WDR77: variants seen among roughly 807,000 people sequenced by gnomAD.
The protein encoded by WDR77 is methylosome protein WDR77.
A neutral mutation model predicts 44.0 loss-of-function variants in WDR77; 31 were observed. The observed-to-expected ratio is 0.70, with a 90% CI of 0.53 to 0.95. WDR77 has a LOEUF of 0.95. Among genes scored for constraint, WDR77 ranks in the 40% least tolerant of loss-of-function variants. WDR77 has a pLI of 0.00. For missense variants in WDR77, 390 were observed against 423.9 expected, an observed-to-expected ratio of 0.92 and a Z score of 0.70; for synonymous variants, 186 against 165.7, an observed-to-expected ratio of 1.12 and a Z score of -0.94.
At position 111,440,691 on chromosome 1, in the gene WDR77, C is replaced by T. The variant is rs1458844205; in HGVS notation, c.*539G>A. On this transcript the variant is annotated 3_prime_UTR_variant, in exon 10 of 10. Transcript: ENST00000235090. ...TGGTAAGGAGTTGTGTAAAACCGTA[C>T]CAAGTCCTGCTTCTTCCTCAGAGTG... 1 of 152,270 alleles carries T rather than the reference C, an allele frequency of 6.6e-6. No homozygotes were observed. Among genetic ancestry groups the T allele is most frequent in the Admixed American group, 6.5e-5 (1 of 15,294 alleles). The allele number at this position is 152,270 out of a possible 1,614,324, so 9.4% of individuals were successfully genotyped here. A position where few individuals can be genotyped will look rare whatever the true frequency, so the allele number is the denominator to read the frequency against.
In WDR77 at chr1:111,442,746, G is replaced by A. The variant is rs192806724; in HGVS notation, c.707C>T (p.Thr236Ile). 5.2e-5 allele frequency: 83 copies of A among 1,588,418 alleles called. No homozygotes were observed. The East Asian group carries it at 1.8e-3, about 34-fold the overall frequency. ...ACTCTTGGTGTCCACAAGGGAGACT[G>A]TCCCATTCTCATCACCTGTAGAAGA... ...EVFVFGDENG[T>I]VSLVDTKSTS... Residue 236 changes from threonine to isoleucine, a missense_variant, in exon 8 of 10, where the codon ACA (threonine) becomes ATA (isoleucine). By Grantham distance (89) the Thr-to-Ile change is moderately conservative. Coordinates refer to ENST00000235090, the MANE Select transcript of WDR77 (RefSeq NM_024102.4).
At chr1:111,442,507 A>G in intron 8 of WDR77, 146 bp downstream of exon 8, 1 of 542,758 alleles carries the variant, frequency 1.8e-6, no homozygotes, top group Non-Finnish European at 3.1e-6. Context: ...CTTCACACTT[A>G]AGAGATCTTC....
intron 4 of WDR77, among the ~76,000 whole-genome samples, chr1:111,444,768 C>G (rs1310041003): frequency 6.6e-6 from 1 of 152,226 alleles, no homozygotes; most frequent in Non-Finnish European, 1.5e-5. Context: ...GATCTTGTTT[C>G]AGTCACACCA....
intron 6 of WDR77, 127 bp downstream of exon 6, chr1:111,443,740 G>T: frequency 6.6e-7 from 1 of 1,521,222 alleles, no homozygotes; most frequent in South Asian, 1.3e-5. Context: ...AAAAGAAGGA[G>T]ATTATGTCAC....
Position 111,447,344 on chromosome 1 carries a change from T to C in WDR77, c.443+91A>G, listed in dbSNP as rs193167621. ...AAAATAAGTCACTGGATTCTTAGAA[T>C]AAGCCCAAAATGTTACCTAATGAGG... On this transcript the variant is annotated intron_variant, in intron 3 of 9. Coordinates refer to ENST00000235090, the MANE Select transcript of WDR77 (RefSeq NM_024102.4). The C allele has an allele frequency of 8.3e-4, 1,302 of 1,569,188 alleles. 17 individuals carry two copies. In the African/African-American group the frequency reaches 0.016, roughly 19 times the overall value.
In WDR77 at chr1:111,441,144, A is replaced by G; in HGVS notation, c.*86T>C. 7.6e-7 allele frequency: 1 copy of G among 1,313,860 alleles called. No homozygotes were observed. Among genetic ancestry groups the G allele is most frequent in the Non-Finnish European group, 1.0e-6 (1 of 1,002,788 alleles). The allele number at this position is 1,313,860 out of a possible 1,614,324, so 81.4% of individuals were successfully genotyped here. ...ATCTAGCATATCAACATACTATAGA[A>G]GGCTCCTGTGTTGTCTCACAAGCTG... On this transcript the variant is annotated 3_prime_UTR_variant, in exon 10 of 10. Coordinates refer to ENST00000235090, the MANE Select transcript of WDR77 (RefSeq NM_024102.4).
Position 111,443,341 on chromosome 1 carries a change from T to C in WDR77, c.673A>G (p.Ser225Gly). ...PTSLAWHPQQSEVFVFGDENG... is the reference protein window; with the variant it reads ...PTSLAWHPQQGEVFVFGDENG... ...GCCTTACCAAAGACAAAGACTTCAC[T>C]TTGCTGAGGATGCCAAGCCAGCGAG... is the stretch of plus-strand genomic sequence containing the variant. Residue 225 changes from serine to glycine, a missense_variant, in exon 7 of 10, where the codon AGT becomes GGT. Ser to Gly is a moderately conservative substitution (Grantham distance 56). Coordinates refer to ENST00000235090, the MANE Select transcript of WDR77 (RefSeq NM_024102.4). The C allele has an allele frequency of 6.4e-7, 1 of 1,551,860 alleles. No individual in the cohort carries two copies. The highest frequency in any genetic ancestry group is 1.2e-5 in the South Asian group (1 of 84,052).
In WDR77 at chr1:111,447,446, G is replaced by GA; in HGVS notation, c.431_432insT (p.Lys145GlnfsTer47). 6.2e-7 allele frequency: 1 copy of GA among 1,614,150 alleles called. No individual in the cohort carries two copies. Among genetic ancestry groups the GA allele is most frequent in the East Asian group, 2.2e-5 (1 of 44,878 alleles). ...GAACAGGGACCCACCAGATGTCTTT[G>GA]CTACCACTGACAGCTTGTGTGCCAG... On this transcript the variant is annotated frameshift_variant, in exon 3 of 10. Transcript: ENST00000235090. LOFTEE classifies it high-confidence loss of function.
rs962580631 is a variant in WDR77 at position 111,449,040 on chromosome 1, G to A, written c.115+15C>T. The stretch of plus-strand genomic sequence containing the variant: ...CCGGGGTAAGGGAGCTCCCAGGCCC[G>A]GGATCTCGGCTCACCGGACCGGTAC... On this transcript the variant is annotated intron_variant, in intron 1 of 9. Coordinates refer to ENST00000235090, the MANE Select transcript of WDR77 (RefSeq NM_024102.4). The A allele has an allele frequency of 1.3e-5, 21 of 1,570,722 alleles. No homozygotes were observed. Among genetic ancestry groups the A allele is most frequent in the Non-Finnish European group, 1.8e-5 (21 of 1,159,704 alleles).
chr1:111,441,281 A>C lies in WDR77; in HGVS notation c.978T>G (p.Val326=). Residue 326 remains valine (V), a synonymous_variant, in exon 10 of 10, where the codon GTT becomes GTG. Coordinates refer to ENST00000235090, the MANE Select transcript of WDR77 (RefSeq NM_024102.4). ...VGWDHQVVHH[V]VPTEPLPAPG... ...GGGCTGGGAGAGGTTCTGTGGGCAC[A>C]ACGTGGTGGACGACCTGATGGTCCC... is the stretch of plus-strand genomic sequence containing the variant. The C allele has an allele frequency of 6.3e-7, 1 of 1,588,406 alleles. No individual in the cohort carries two copies. Among genetic ancestry groups the C allele is most frequent in the Non-Finnish European group, 8.6e-7 (1 of 1,166,006 alleles).
chr1:111,448,741 A>G lies in WDR77; in HGVS notation c.179T>C (p.Leu60Pro). The change falls in exon 2 of 10, where the codon CTT becomes CCT. Residue 60 changes from leucine to proline, a missense_variant. Transcript: ENST00000235090. ...GGGGGCGGCACAGGGGTCCTTAAAA[A>G]GCCAGAGGGAGCCGGCCCAGCAGCG... Reference protein sequence around the residue: ...SGRCWAGSLWLFKDPCAAPNE... With the variant: ...SGRCWAGSLWPFKDPCAAPNE... 1 of 1,612,246 alleles carries G rather than the reference A, an allele frequency of 6.2e-7. No individual in the cohort carries two copies. Among genetic ancestry groups the G allele is most frequent in the East Asian group, 2.2e-5 (1 of 44,764 alleles).
chr1:111,442,736 A>G lies in WDR77; in HGVS notation c.717T>C (p.Leu239=). 6.3e-7 allele frequency: 1 copy of G among 1,598,068 alleles called. No individual in the cohort carries two copies. Among genetic ancestry groups the G allele is most frequent in the Non-Finnish European group, 8.6e-7 (1 of 1,168,866 alleles). Reference sequence around the variant, plus strand: ...CACAGCTTGTACTCTTGGTGTCCACAAGGGAGACTGTCCCATTCTCATCAC... The same window carrying G: ...CACAGCTTGTACTCTTGGTGTCCACGAGGGAGACTGTCCCATTCTCATCAC... ...VFGDENGTVS[L]VDTKSTSCVL... is the part of the protein sequence containing the mutation. The change falls in exon 8 of 10, where the codon CTT becomes CTC. Residue 239 remains leucine, a synonymous_variant. Coordinates refer to ENST00000235090, the MANE Select transcript of WDR77 (RefSeq NM_024102.4).
In WDR77 at chr1:111,440,141, T is replaced by C. The variant is rs1652746486; in HGVS notation, c.*1089A>G. ...CCCAAGAATAAATATTTACCTTAAG[T>C]TCTAACTAGCTACTTTGGGAAGCTG... On this transcript the variant is annotated 3_prime_UTR_variant, in exon 10 of 10. Coordinates refer to ENST00000235090, the MANE Select transcript of WDR77 (RefSeq NM_024102.4). 1 of 152,310 alleles carries C rather than the reference T, an allele frequency of 6.6e-6. No homozygotes were observed. The highest frequency in any genetic ancestry group is 1.5e-5 in the Non-Finnish European group (1 of 68,036). 9.4% of individuals were successfully genotyped at this position (152,310 alleles called of 1,614,324 possible). A position where few individuals can be genotyped will look rare whatever the true frequency, so the allele number is the denominator to read the frequency against.
intron 4 of WDR77, 177 bp downstream of exon 4, chr1:111,446,918 A>G: frequency 1.5e-6 from 1 of 654,072 alleles, no homozygotes; most frequent in Non-Finnish European, 2.7e-6. Context: ...TTAAAAAAAA[A>G]GAAAGAAAGA....
rs1245085995 is a variant in WDR77, at chr1:111,443,386, C to T, written c.628G>A (p.Ala210Thr). The T allele has an allele frequency of 3.2e-6, 5 of 1,552,380 alleles. No individual in the cohort carries two copies. The highest frequency in any genetic ancestry group is 3.9e-5 in the Admixed American group (2 of 51,074). ...PKPASQIGCS[A>T]PGYLPTSLAW... ...AGCGAGGTAGGAAGGTAGCCAGGCG[C>T]ACTGCAGCCTGCAAAGGAGAGACGA... is the stretch of plus-strand genomic sequence containing the variant. Residue 210 changes from alanine to threonine, a missense_variant, in exon 7 of 10, where the codon GCG becomes ACG. By Grantham distance (58) the Ala-to-Thr change is moderately conservative. Transcript: ENST00000235090.
chr1:111,441,748 GA>G, intron 9 of WDR77: 1 of 636,420 alleles, frequency 1.6e-6, no homozygotes, highest in South Asian at 2.7e-5. Context: ...TGAGAGGGTA[GA>G]CTGCCGCCCC....
chr1:111,448,524 G>A, intron 2 of WDR77, 95 bp downstream of exon 2: 11 of 1,471,338 alleles, frequency 7.5e-6, no homozygotes, highest in Non-Finnish European at 1.0e-5. Context: ...ACTGAGTATA[G>A]GACGTTAGAT....
Position 111,447,102 on chromosome 1 carries a change from T to C in WDR77, c.486A>G (p.Ser162=), listed in dbSNP as rs1305945051. The part of the protein sequence containing the change: ...WDLAQQVVLS[S]YRAHAAQVTC... Reference sequence around the variant, plus strand: ...AAATGAAAGAATACTCACCTCGGTATGAACTCAGTACCACCTGCTGAGCAA... The same window carrying C: ...AAATGAAAGAATACTCACCTCGGTACGAACTCAGTACCACCTGCTGAGCAA... The change falls in exon 4 of 10, where the codon TCA becomes TCG. Residue 162 remains serine, a synonymous_variant. Transcript: ENST00000235090. 2 of 1,614,058 alleles carry C rather than the reference T, an allele frequency of 1.2e-6. No individual in the cohort carries two copies. The highest frequency in any genetic ancestry group is 1.7e-6 in the Non-Finnish European group (2 of 1,180,012).
At chr1:111,448,587 G>T in intron 2 of WDR77, 32 bp downstream of exon 2, 1 of 1,612,172 alleles carries the variant, frequency 6.2e-7, no homozygotes, top group South Asian at 1.1e-5. Context: ...TTCCACCCGG[G>T]GGTGGGGGTG....
Sources: gnomAD v4.1 joint callset for allele counts (sites outside exome capture counted in the v4.1 genomes callset) on GRCh38, gnomAD v4.1.1 for gene constraint, MANE v1.5 for transcripts, NCBI Gene and HGNC (gene_info 2026-07-23, HGNC 2026-07-21) for gene names.